The following ACACA variants were observed in gnomAD, a reference collection of about 807,000 sequenced individuals.
The protein encoded by ACACA is acetyl-CoA carboxylase 1.
Under a neutral mutation model 296.1 loss-of-function variants are expected in ACACA, and 103 were observed. That is an observed-to-expected ratio of 0.35 (90% CI 0.30 to 0.41). The LOEUF is 0.41. Among genes scored for constraint, ACACA ranks in the 10% least tolerant of loss-of-function variants. The pLI is 1.00. For missense variants in ACACA, 1,554 were observed against 2,989.7 expected, an observed-to-expected ratio of 0.52 and a Z score of 11.20; for synonymous variants, 953 against 1,038.6, an observed-to-expected ratio of 0.92 and a Z score of 1.58.
At chr17:37,131,279 C>T (rs1209041632) in intron 45 of ACACA, among the ~76,000 whole-genome samples, 4 of 152,158 alleles carry the variant, frequency 2.6e-5, no homozygotes, top group Non-Finnish European at 5.9e-5. Context: ...TATTCCTGGA[C>T]TTGGAAATTG....
At chr17:37,174,708 T>C (rs1479833250) in intron 41 of ACACA, among the ~76,000 whole-genome samples, 1 of 151,908 alleles carries the variant, frequency 6.6e-6, no homozygotes, top group East Asian at 1.9e-4. Flanking sequence ...AATTTTTGTA[T>C]TTTTAGTAGA....
chr17:37,272,259 C>T (rs537872018), intron 9 of ACACA, among the ~76,000 whole-genome samples: 3 of 152,238 alleles, frequency 2.0e-5, no homozygotes, highest in Non-Finnish European at 4.4e-5. Context: ...AGGAGAATCA[C>T]TTGAATCTGG....
At chr17:37,157,773 T>C (rs888579284) in intron 42 of ACACA, among the ~76,000 whole-genome samples, 1 of 151,576 alleles carries the variant, frequency 6.6e-6, no homozygotes, top group Non-Finnish European at 1.5e-5. Context: ...TGACCTCAAG[T>C]TGATCCATCT....
chr17:37,160,343 A>G (rs377381954), intron 42 of ACACA, among the ~76,000 whole-genome samples: 25 of 152,362 alleles, frequency 1.6e-4, no homozygotes, highest in East Asian at 5.8e-4. Context: ...CTATTCATTC[A>G]AAGTGTGGAA....
intron 45 of ACACA, among the ~76,000 whole-genome samples, chr17:37,146,374 T>C (rs929531509): frequency 1.3e-5 from 2 of 149,910 alleles, no homozygotes; most frequent in African/African-American, 4.9e-5. Context: ...GGGAGTATGA[T>C]ATGTGGAGTG....
At chr17:37,201,382 C>T (rs1312451114) in intron 33 of ACACA, among the ~76,000 whole-genome samples, 1 of 151,328 alleles carries the variant, frequency 6.6e-6, no homozygotes, top group Non-Finnish European at 1.5e-5. Context: ...CAGAGGTTGC[C>T]GAGATTGCAT....
At chr17:37,154,360 A>G (rs996679047) in intron 43 of ACACA, among the ~76,000 whole-genome samples, 4 of 152,188 alleles carry the variant, frequency 2.6e-5, no homozygotes, top group African/African-American at 9.7e-5. Context: ...ATAATACTTG[A>G]GGAAAAATTA....
intron 1 of ACACA, among the ~76,000 whole-genome samples, chr17:37,368,210 T>C (rs1337393058): frequency 6.6e-6 from 1 of 152,228 alleles, no homozygotes; most frequent in African/African-American, 2.4e-5. Flanking sequence ...GGGCGGAGGT[T>C]GCAGTGAGCC....
At chr17:37,324,310 G>T (rs953246845) in intron 3 of ACACA, among the ~76,000 whole-genome samples, 5 of 151,932 alleles carry the variant, frequency 3.3e-5, no homozygotes, top group South Asian at 2.1e-4. Context: ...AAGTTGCAGT[G>T]AGCCGAGATT....
chr17:37,167,102 G>A (rs1198115306), intron 41 of ACACA, among the ~76,000 whole-genome samples: 1 of 148,054 alleles, frequency 6.8e-6, no homozygotes, highest in African/African-American at 2.5e-5. Context: ...ATGCCACCAG[G>A]CCTGGCTAAT....
At chr17:37,247,196 T>G (rs1206727453) in intron 18 of ACACA, among the ~76,000 whole-genome samples, 1 of 152,084 alleles carries the variant, frequency 6.6e-6, no homozygotes, top group African/African-American at 2.4e-5. Context: ...GAATACCACA[T>G]GACTATTAAA....
chr17:37,339,864 G>T lies in ACACA; in HGVS notation c.39-14C>A. 3 of 1,255,374 alleles carry T rather than the reference G, an allele frequency of 2.4e-6. No individual in the cohort carries two copies. The highest frequency in any genetic ancestry group is 2.5e-5 in the South Asian group (2 of 78,882). 77.8% of individuals were successfully genotyped at this position (1,255,374 alleles called of 1,614,324 possible). A position where few individuals can be genotyped will look rare whatever the true frequency, so the allele number is the denominator to read the frequency against. On this transcript the variant is annotated splice_polypyrimidine_tract_variant and intron_variant, in intron 1 of 55. Transcript: ENST00000616317. ...TTCCAAAAAGACCTAGAGAGAAAGAGAAAGATTTTAAGGTTTTTTTTTTTA... is the reference window on the plus strand; with the variant it reads ...TTCCAAAAAGACCTAGAGAGAAAGATAAAGATTTTAAGGTTTTTTTTTTTA...
chr17:37,140,160 CACA>C (rs1448810546), intron 45 of ACACA, among the ~76,000 whole-genome samples: 8 of 152,182 alleles, frequency 5.3e-5, no homozygotes, highest in East Asian at 1.9e-4. Context: ...AGGAGATTCA[CACA>C]ACAATTGTGT....
chr17:37,134,825 C>T (rs1002384472), intron 45 of ACACA, among the ~76,000 whole-genome samples: 1 of 152,126 alleles, frequency 6.6e-6, no homozygotes, highest in African/African-American at 2.4e-5. Context: ...TGTAAATTTA[C>T]TGAGTAATTG....
chr17:37,188,947 C>T lies in ACACA; in HGVS notation c.4573-467G>A, dbSNP rs141073804. Among the ~76,000 whole-genome samples the T allele has an allele frequency of 1.6e-4, 24 of 152,260 alleles. No individual in the cohort carries two copies. The East Asian group carries it at 2.5e-3, about 16-fold the overall frequency. On this transcript the variant is annotated intron_variant, in intron 38 of 55. Coordinates refer to ENST00000616317, the MANE Select transcript of ACACA (RefSeq NM_198834.3). The stretch of plus-strand genomic sequence containing the variant: ...TTACCACCATGAGCTTTTTTTCATA[C>T]AGTTTTATTAAACTTTATAATATAT...
intron 25 of ACACA, 31 bp from the exon 26 acceptor site, chr17:37,226,483 A>G: frequency 6.4e-7 from 1 of 1,554,188 alleles, no homozygotes; most frequent in Non-Finnish European, 8.9e-7. Flanking sequence ...GAACATAGAT[A>G]GTCATATTAA....
chr17:37,113,194 G>T lies in ACACA; in HGVS notation c.6346C>A (p.Leu2116Met). Reference sequence around the variant, plus strand: ...TCAGCCTGGGGAGGAATGTAAACCAGCACAGGCTGGCAGCACTCCCTCAAG... The same window carrying T: ...TCAGCCTGGGGAGGAATGTAAACCATCACAGGCTGGCAGCACTCCCTCAAG... ...DGLRECCQPV[L>M]VYIPPQAELR... The change falls in exon 51 of 56, where the codon CTG becomes ATG. Residue 2116 changes from leucine (L) to methionine (M), a missense_variant. Leu to Met is a conservative substitution (Grantham distance 15, BLOSUM62 2). Around this residue, in one of 16 missense-constraint regions of ACACA, gnomAD observed 553 missense variants for 1,043.6 expected, o/e 0.53. Coordinates refer to ENST00000616317, the MANE Select transcript of ACACA (RefSeq NM_198834.3). The surrounding 1 kb of genome is among the most constrained non-coding windows in gnomAD (Gnocchi z 4.0). The T allele has an allele frequency of 5.0e-6, 8 of 1,614,210 alleles. No individual in the cohort carries two copies. The highest frequency in any genetic ancestry group is 6.8e-6 in the Non-Finnish European group (8 of 1,180,044).
intron 25 of ACACA, 64 bp from the exon 26 acceptor site, chr17:37,226,516 T>A: frequency 7.3e-7 from 1 of 1,361,138 alleles, no homozygotes; most frequent in Non-Finnish European, 1.1e-6. Context: ...GATAGGATTT[T>A]AAAATAGAGA....
chr17:37,184,541 A>C (rs1408248303), intron 39 of ACACA, among the ~76,000 whole-genome samples: 1 of 152,226 alleles, frequency 6.6e-6, no homozygotes, highest in Non-Finnish European at 1.5e-5. Flanking sequence ...AAATGAATGT[A>C]AAAATTTCGA....
Sources: gnomAD v4.1 joint callset for allele counts (sites outside exome capture counted in the v4.1 genomes callset) on GRCh38, gnomAD v4.1.1 for gene constraint, gnomAD v4.1.1 regional missense constraint, Gnocchi (gnomAD v3.1) non-coding constraint, MANE v1.5 for transcripts, NCBI Gene and HGNC (gene_info 2026-07-23, HGNC 2026-07-21) for gene names.